The following EYS variants were observed in gnomAD, a reference collection of about 807,000 sequenced individuals.
EYS encodes protein eyes shut homolog.
A neutral mutation model predicts 282.1 loss-of-function variants in EYS; 250 were observed. The ratio of observed to expected loss-of-function variants is 0.89; its 90% CI spans 0.80 to 0.98. The LOEUF is 0.98. Ranked by LOEUF, EYS falls within the 50% of genes least tolerant of loss-of-function variation. The pLI is 0.00. For missense variants in EYS, 4,016 were observed against 3,709.0 expected (o/e 1.08, Z -2.15); for synonymous variants, 1,355 against 1,282.9 (o/e 1.06, Z -1.20).
chr6:63,738,251 G>T (rs1277565996), intron 41 of EYS, among the ~76,000 whole-genome samples: 1 of 152,068 alleles, frequency 6.6e-6, no homozygotes, highest in South Asian at 2.1e-4. Context: ...ATACCCAAAG[G>T]ACTATAAATC....
chr6:64,283,779 G>T (rs1017375716), intron 30 of EYS, among the ~76,000 whole-genome samples: 3 of 152,114 alleles, frequency 2.0e-5, no homozygotes, highest in Non-Finnish European at 2.9e-5. Flanking sequence ...GGTGGGAAGT[G>T]AAAGGCACTT....
rs780884835 is a variant in EYS at position 63,806,122 on chromosome 6, T to TC, written c.7411+67dup. 4.5e-4 allele frequency: 606 copies of TC among 1,344,406 alleles called. 7 individuals carry two copies. In the Middle Eastern group the frequency reaches 0.01, roughly 23 times the overall value. 83.3% of individuals were successfully genotyped at this position (1,344,406 alleles called of 1,614,324 possible). ...TTTTTTACCACAGCCAATTAGAGTG[T>TC]CCCTGAGGAATCTCTAAAGTATTCT... On this transcript the variant is annotated intron_variant, in intron 37 of 42. Transcript: ENST00000503581.
At chr6:64,696,166 A>G (rs1583051976) in intron 22 of EYS, among the ~76,000 whole-genome samples, 1 of 152,182 alleles carries the variant, frequency 6.6e-6, no homozygotes, top group Non-Finnish European at 1.5e-5. Context: ...GATATCTTTT[A>G]AAAAGATAAA....
chr6:65,612,733 T>G (rs1462979122), intron 2 of EYS, among the ~76,000 whole-genome samples: 2 of 150,798 alleles, frequency 1.3e-5, no homozygotes, highest in African/African-American at 2.4e-5. Context: ...TTATAGAATG[T>G]TATTAATCTT....
At chr6:64,803,094 T>C (rs1764307597) in intron 22 of EYS, among the ~76,000 whole-genome samples, 1 of 152,160 alleles carries the variant, frequency 6.6e-6, no homozygotes, top group African/African-American at 2.4e-5. Flanking sequence ...GGAGATGCCA[T>C]GTGGTCCTCA....
chr6:64,534,305 T>A (rs960259046), intron 26 of EYS, among the ~76,000 whole-genome samples: 1 of 152,032 alleles, frequency 6.6e-6, no homozygotes, highest in African/African-American at 2.4e-5. Flanking sequence ...TTAATTTGAA[T>A]TTTTACTTTT....
rs1402453288 is a variant in EYS at position 64,590,626 on chromosome 6, C to T, written c.5241G>A (p.Glu1747=). ...CATCCGGATAAATTTGTAAGTTTAA[C>T]TCAAAATCCAGAGAACTATCACTTG... ...LHPSDSSLDF[E]LNLQIYPDVT... is the part of the protein sequence containing the mutation. Residue 1747 remains glutamate (E), a synonymous_variant, in exon 26 of 43, where the codon GAG becomes GAA. Coordinates refer to ENST00000503581, the MANE Select transcript of EYS (RefSeq NM_001142800.2). The T allele has an allele frequency of 6.4e-7, 1 of 1,551,278 alleles. No homozygotes were observed. Among genetic ancestry groups the T allele is most frequent in the Non-Finnish European group, 8.7e-7 (1 of 1,146,724 alleles).
chr6:64,642,420 T>C (rs1768189079), intron 22 of EYS, among the ~76,000 whole-genome samples: 1 of 152,204 alleles, frequency 6.6e-6, no homozygotes, highest in Non-Finnish European at 1.5e-5. Flanking sequence ...CATGGTTATA[T>C]ACACATATTT....
intron 12 of EYS, among the ~76,000 whole-genome samples, chr6:65,278,813 C>G (rs1299457620): frequency 6.6e-6 from 1 of 152,076 alleles, no homozygotes; most frequent in Non-Finnish European, 1.5e-5. Flanking sequence ...GAGTTTTATT[C>G]AAATAGTATC....
At chr6:65,234,135 T>A (rs976607516) in intron 12 of EYS, among the ~76,000 whole-genome samples, 18 of 152,182 alleles carry the variant, frequency 1.2e-4, no homozygotes, top group Non-Finnish European at 2.1e-4. Context: ...AATTCTATGC[T>A]TTTTGTACCA....
chr6:64,561,520 G>C (rs1210666722), intron 26 of EYS, among the ~76,000 whole-genome samples: 2 of 151,838 alleles, frequency 1.3e-5, no homozygotes, highest in Non-Finnish European at 2.9e-5. Context: ...TAGCATTCCT[G>C]TACACCAACA....
chr6:63,753,228 CATA>C (rs1474709004), intron 41 of EYS, among the ~76,000 whole-genome samples: 1 of 149,120 alleles, frequency 6.7e-6, no homozygotes, highest in African/African-American at 2.5e-5. Context: ...TTGGAAGTGT[CATA>C]ATAATATTAA....
At chr6:65,149,071 C>A (rs531648525) in intron 12 of EYS, among the ~76,000 whole-genome samples, 1 of 152,196 alleles carries the variant, frequency 6.6e-6, no homozygotes. Context: ...AGGTCTCTTA[C>A]GTGCCCTGGA....
chr6:65,558,198 G>A (rs1768894020), intron 2 of EYS, among the ~76,000 whole-genome samples: 1 of 152,162 alleles, frequency 6.6e-6, no homozygotes, highest in Non-Finnish European at 1.5e-5. Flanking sequence ...CTGTGCCAAG[G>A]GGCAACTGCA....
chr6:64,773,536 T>G (rs1406992625), intron 22 of EYS, among the ~76,000 whole-genome samples: 1 of 151,876 alleles, frequency 6.6e-6, no homozygotes. Flanking sequence ...TTTTAAGCTC[T>G]CTGAGAAATT....
At chr6:64,613,947 A>G (rs1459127041) in intron 24 of EYS, among the ~76,000 whole-genome samples, 6 of 152,116 alleles carry the variant, frequency 3.9e-5, no homozygotes, top group Non-Finnish European at 7.4e-5. Context: ...GCAGGAAGGG[A>G]AATACCCAAC....
intron 19 of EYS, among the ~76,000 whole-genome samples, chr6:64,868,813 T>G (rs1766502552): frequency 6.6e-6 from 1 of 151,472 alleles, no homozygotes; most frequent in Non-Finnish European, 1.5e-5. Flanking sequence ...TTAAAAAGAA[T>G]TACAATTTGA....
intron 26 of EYS, among the ~76,000 whole-genome samples, chr6:64,589,617 A>C (rs1383571962): frequency 6.6e-6 from 1 of 152,066 alleles, no homozygotes; most frequent in African/African-American, 2.4e-5. Flanking sequence ...GCTTGTCATT[A>C]ATATATCAAG....
At chr6:63,783,142 T>G (rs1166437576) in intron 39 of EYS, among the ~76,000 whole-genome samples, 1 of 152,210 alleles carries the variant, frequency 6.6e-6, no homozygotes, top group Non-Finnish European at 1.5e-5. Flanking sequence ...TTTACAGGGT[T>G]GTTAATAAAT....
Sources: allele counts gnomAD v4.1 joint callset (sites outside exome capture counted in the v4.1 genomes callset), GRCh38; gene constraint gnomAD v4.1.1; transcripts MANE v1.5; gene names NCBI Gene and HGNC (gene_info 2026-07-23, HGNC 2026-07-21).